The following ERGIC2 variants were observed in gnomAD, a reference collection of about 807,000 sequenced individuals.
ERGIC2 encodes ERGIC and golgi 2.
A neutral mutation model predicts 52.5 loss-of-function variants in ERGIC2; 31 were observed. That is an observed-to-expected ratio of 0.59 (90% CI 0.44 to 0.80). The LOEUF is 0.80. Among genes scored for constraint, ERGIC2 ranks in the 30% least tolerant of loss-of-function variants. ERGIC2 has a pLI of 0.00. For synonymous variants in ERGIC2, 129 were observed against 140.6 expected (o/e 0.92, Z 0.58); for missense variants, 395 against 455.2 (o/e 0.87, Z 1.20).
chr12:29,347,119 T>C (rs745880526), intron 10 of ERGIC2, among the ~76,000 whole-genome samples: 2 of 152,196 alleles, frequency 1.3e-5, no homozygotes, highest in African/African-American at 2.4e-5. Context: ...AGTAAAAGCT[T>C]TGACCTTCCT....
At chr12:29,368,360 C>A in intron 3 of ERGIC2, 73 bp from the exon 4 acceptor site, 3 of 788,868 alleles carry the variant, frequency 3.8e-6, no homozygotes, top group Non-Finnish European at 6.4e-6. Flanking sequence ...AATCAACTGA[C>A]CTATTAAAAA....
At chr12:29,360,071 T>C (rs1339258886) in intron 6 of ERGIC2, among the ~76,000 whole-genome samples, 1 of 152,096 alleles carries the variant, frequency 6.6e-6, no homozygotes, top group Non-Finnish European at 1.5e-5. Context: ...CAAACTGGCA[T>C]ACATTTAAAA....
chr12:29,378,440 C>T (rs1211487605), intron 1 of ERGIC2, among the ~76,000 whole-genome samples: 5 of 151,956 alleles, frequency 3.3e-5, no homozygotes, highest in Non-Finnish European at 7.4e-5. Flanking sequence ...CTAATACAGG[C>T]AATATAATTC....
At chr12:29,352,005 CATGG>C (rs1446873225) in intron 8 of ERGIC2, among the ~76,000 whole-genome samples, 19 of 152,186 alleles carry the variant, frequency 1.2e-4, no homozygotes, top group Middle Eastern at 3.4e-3. Context: ...TCAAATAATC[CATGG>C]TACACTGTGC....
chr12:29,350,203 A>T (rs1025861960), intron 8 of ERGIC2, 135 bp from the exon 9 acceptor site: 2 of 579,210 alleles, frequency 3.5e-6, no homozygotes, highest in Non-Finnish European at 6.2e-6. Flanking sequence ...TGGCCTATTG[A>T]CTGAGCAGAC....
Position 29,340,952 on chromosome 12 carries a change from G to T in ERGIC2, c.*204C>A, listed in dbSNP as rs1949834731. On this transcript the variant is annotated 3_prime_UTR_variant, in exon 14 of 14. Transcript: ENST00000360150. ...GGGCTTCTTCATCGTTTAGCTGCAT[G>T]ATTTCTTCTACGACATTTGTAACAG... 3.0e-5 allele frequency: 17 copies of T among 570,660 alleles called. No homozygotes were observed. In the South Asian group the frequency reaches 3.1e-4, roughly 11 times the overall value. The allele number at this position is 570,660 out of a possible 1,614,324, so 35.3% of individuals were successfully genotyped here.
chr12:29,361,760 C>A, intron 5 of ERGIC2, 75 bp from the exon 6 acceptor site: 1 of 1,261,830 alleles, frequency 7.9e-7, no homozygotes, highest in Non-Finnish European at 1.1e-6. Context: ...AAAATTTTTT[C>A]TTTGAGCAGG....
Position 29,340,804 on chromosome 12 carries a change from A to G in ERGIC2, c.*352T>C. On this transcript the variant is annotated 3_prime_UTR_variant, in exon 14 of 14. Transcript: ENST00000360150. Reference sequence around the variant, plus strand: ...ACTTCTCAATGTTTTTTTTTTTCCCATAGATGTAGTTTCACTTATTTCCTT... The same window carrying G: ...ACTTCTCAATGTTTTTTTTTTTCCCGTAGATGTAGTTTCACTTATTTCCTT... 2.3e-6 allele frequency: 1 copy of G among 428,878 alleles called. No homozygotes were observed. The highest frequency in any genetic ancestry group is 1.7e-5 in the South Asian group (1 of 57,424). The allele number at this position is 428,878 out of a possible 1,614,324, so 26.6% of individuals were successfully genotyped here. A position where few individuals can be genotyped will look rare whatever the true frequency, so the allele number is the denominator to read the frequency against.
intron 1 of ERGIC2, among the ~76,000 whole-genome samples, chr12:29,377,133 G>A (rs185008921): frequency 7.9e-5 from 12 of 152,174 alleles, no homozygotes; most frequent in Admixed American, 7.8e-4. Flanking sequence ...GTTAGAAGCC[G>A]TTACACAAGA....
intron 8 of ERGIC2, among the ~76,000 whole-genome samples, chr12:29,353,310 CAT>C (rs2136859830): frequency 6.6e-6 from 1 of 152,280 alleles, no homozygotes; most frequent in South Asian, 2.1e-4. Context: ...AGTCTACTGT[CAT>C]AAATTATTAC....
At chr12:29,343,358 T>C (rs1365837096) in intron 11 of ERGIC2, 76 bp from the exon 12 acceptor site, 18 of 1,180,358 alleles carry the variant, frequency 1.5e-5, no homozygotes, top group South Asian at 3.3e-5. Context: ...GTTACTTACA[T>C]ACATTCAATA....
At chr12:29,361,614 T>C (rs1940287736) in intron 6 of ERGIC2, 31 bp downstream of exon 6, 3 of 1,550,614 alleles carry the variant, frequency 1.9e-6, no homozygotes, top group South Asian at 2.4e-5. Context: ...CTTAGATTTC[T>C]ATGGACCACA....
intron 11 of ERGIC2, among the ~76,000 whole-genome samples, chr12:29,343,848 T>C (rs1256047150): frequency 6.6e-6 from 1 of 152,192 alleles, no homozygotes; most frequent in Non-Finnish European, 1.5e-5. Context: ...GATCAGGGCA[T>C]ATACATAATG....
Position 29,340,622 on chromosome 12 carries a change from T to C in ERGIC2, c.*534A>G, listed in dbSNP as rs1314871533. On this transcript the variant is annotated 3_prime_UTR_variant, in exon 14 of 14. Transcript: ENST00000360150. ...CTGGTCTTGTCAATATGGCTTAACA[T>C]TAATATGGCTATAACATAGGGACTA... 2 of 220,878 alleles carry C rather than the reference T, an allele frequency of 9.1e-6. No individual in the cohort carries two copies. The highest frequency in any genetic ancestry group is 2.9e-4 in the East Asian group (2 of 6,872). 13.7% of individuals were successfully genotyped at this position (220,878 alleles called of 1,614,324 possible).
chr12:29,355,861 T>A (rs1388003375), intron 8 of ERGIC2, among the ~76,000 whole-genome samples: 1 of 152,206 alleles, frequency 6.6e-6, no homozygotes, highest in East Asian at 1.9e-4. Context: ...AAACATGAGA[T>A]GACTGTTTTA....
rs775730257 is a variant in ERGIC2 at position 29,341,724 on chromosome 12, C to T, written c.1071+10G>A. 3.5e-6 allele frequency: 5 copies of T among 1,438,928 alleles called. No homozygotes were observed. Among genetic ancestry groups the T allele is most frequent in the Admixed American group, 3.4e-5 (2 of 59,348 alleles). The allele number at this position is 1,438,928 out of a possible 1,614,324, so 89.1% of individuals were successfully genotyped here. ...TTAGAGATCAGCACCATGTATACTA[C>T]ACCACTTACAGAATTGACAGGTTTA... is the stretch of plus-strand genomic sequence containing the variant. On this transcript the variant is annotated intron_variant, in intron 13 of 13. Transcript: ENST00000360150.
chr12:29,337,388 T>C lies in ERGIC2; in HGVS notation c.*3768A>G, dbSNP rs975834904. The C allele has an allele frequency of 1.3e-5, 2 of 148,346 alleles. No individual in the cohort carries two copies. Among genetic ancestry groups the C allele is most frequent in the Non-Finnish European group, 1.5e-5 (1 of 67,756 alleles). The allele number at this position is 148,346 out of a possible 1,614,324, so 9.2% of individuals were successfully genotyped here. A position where few individuals can be genotyped will look rare whatever the true frequency, so the allele number is the denominator to read the frequency against. On this transcript the variant is annotated 3_prime_UTR_variant, in exon 14 of 14. Coordinates refer to ENST00000360150, the MANE Select transcript of ERGIC2 (RefSeq NM_016570.3). ...GTCATTTATTGAGTCCAAATGTTTA[T>C]GCTTGCAATACTAAATATTTTGTTT...
Position 29,371,643 on chromosome 12 carries a change from A to C in ERGIC2, c.-10T>G, listed in dbSNP as rs1356806465. 6.4e-7 allele frequency: 1 copy of C among 1,574,224 alleles called. No individual in the cohort carries two copies. Among genetic ancestry groups the C allele is most frequent in the South Asian group, 1.1e-5 (1 of 90,108 alleles). On this transcript the variant is annotated 5_prime_UTR_variant, in exon 2 of 14. Transcript: ENST00000360150. Reference sequence around the variant, plus strand: ...GATTCAGTCGCCTCATCTTCAGGAAAACCTTCCTCTTCCTTCATATAGTCA... The same window carrying C: ...GATTCAGTCGCCTCATCTTCAGGAACACCTTCCTCTTCCTTCATATAGTCA...
At position 29,366,933 on chromosome 12, in the gene ERGIC2, C is replaced by A; in HGVS notation, c.277G>T (p.Val93Leu). The A allele has an allele frequency of 6.3e-7, 1 of 1,597,790 alleles. No homozygotes were observed. Among genetic ancestry groups the A allele is most frequent in the Non-Finnish European group, 8.5e-7 (1 of 1,170,818 alleles). ...ACCATTGTTTCTGCTAAATCCAATACATCCGCTCCAACATCTGCATAGAAA... is the reference window on the plus strand; with the variant it reads ...ACCATTGTTTCTGCTAAATCCAATAAATCCGCTCCAACATCTGCATAGAAA... ...AMKCQYVGAD[V>L]LDLAETMVAS... Residue 93 changes from valine (V) to leucine (L), a missense_variant, in exon 5 of 14, where the codon GTA (valine) becomes TTA (leucine). By Grantham distance (32) the Val-to-Leu change is conservative (BLOSUM62 1). Coordinates refer to ENST00000360150, the MANE Select transcript of ERGIC2 (RefSeq NM_016570.3).
Sources: allele counts gnomAD v4.1 joint callset (sites outside exome capture counted in the v4.1 genomes callset), GRCh38; gene constraint gnomAD v4.1.1; transcripts MANE v1.5; gene names NCBI Gene and HGNC (gene_info 2026-07-23, HGNC 2026-07-21).